Variants in MALT1 observed in about 807,000 individuals in gnomAD.
The protein encoded by MALT1 is mucosa-associated lymphoid tissue lymphoma translocation protein 1.
In MALT1, 36 loss-of-function variants were observed where a neutral mutation model predicts 85.5. That is an observed-to-expected ratio of 0.42 (90% confidence interval 0.32 to 0.56). The LOEUF (loss-of-function observed/expected upper bound fraction) is 0.56. Among genes scored for constraint, MALT1 ranks in the 20% least tolerant of loss-of-function variants. The probability of loss-of-function intolerance (pLI) is 0.10; values close to 1 mark genes in which losing one functional copy is unlikely to be tolerated. For missense variants in MALT1, 716 were observed against 981.6 expected, an observed-to-expected ratio of 0.73 and a Z score of 3.62; for synonymous variants, 359 against 361.3, an observed-to-expected ratio of 0.99 and a Z score of 0.07.
intron 14 of MALT1, among the ~76,000 whole-genome samples, chr18:58,742,371 C>T (rs934082971): frequency 2.6e-5 from 4 of 152,052 alleles, no homozygotes; most frequent in South Asian, 4.1e-4. Context: ...CAGTCTCTAC[C>T]ACTCTATGAA....
chr18:58,692,783 G>A, intron 2 of MALT1, among the ~76,000 whole-genome samples: 1 of 152,204 alleles, frequency 6.6e-6, no homozygotes, highest in Non-Finnish European at 1.5e-5. Context: ...AGTTAACCAA[G>A]TTGCGAATGC....
At chr18:58,707,520 C>T (rs887791251) in intron 4 of MALT1, among the ~76,000 whole-genome samples, 5 of 152,074 alleles carry the variant, frequency 3.3e-5, no homozygotes, top group African/African-American at 1.2e-4. Flanking sequence ...TGGTTTGCTG[C>T]ACCCGTTAAC....
Position 58,681,324 on chromosome 18 carries a change from C to T in MALT1, c.364C>T (p.Leu122Phe), listed in dbSNP as rs752277906. 4.3e-6 allele frequency: 7 copies of T among 1,613,404 alleles called. No homozygotes were observed. The highest frequency in any genetic ancestry group is 1.7e-4 in the Middle Eastern group (1 of 6,056). The change falls in exon 2 of 17, where the codon CTC becomes TTC. Residue 122 changes from leucine (L) to phenylalanine (F), a missense_variant. Leu to Phe is a conservative substitution (Grantham distance 22). Transcript: ENST00000649217. ...AMEHTEVLQL[L>F]SPPGIKITVN... is the part of the protein sequence containing the mutation. ...GGAACACACTGAAGTTCTTCAGCTT[C>T]TCAGCCCCCCAGGTAGGTTTTGTTC...
intron 4 of MALT1, among the ~76,000 whole-genome samples, chr18:58,705,968 A>G (rs2054745916): frequency 6.6e-6 from 1 of 152,108 alleles, no homozygotes; most frequent in African/African-American, 2.4e-5. Context: ...CTATTTCTCC[A>G]CATCCTCTCC....
chr18:58,709,256 GT>G, intron 4 of MALT1, 121 bp from the exon 5 acceptor site: 1 of 626,206 alleles, frequency 1.6e-6, no homozygotes, highest in Non-Finnish European at 2.6e-6. Context: ...TTTTTAAACA[GT>G]TTGGGAAATG....
rs183978994 is a variant in MALT1, at chr18:58,739,090, G to A, written c.1604-2775G>A. Among the ~76,000 whole-genome samples, 186 of 152,176 alleles carry A rather than the reference G, an allele frequency of 1.2e-3. 2 individuals are homozygous for A. Among genetic ancestry groups the A allele is most frequent in the Middle Eastern group, 6.8e-3 (2 of 294 alleles). ...TTCTGCAGCTATGAAGAAGAAAATAGGATGTTTCTTTTCTTTCAATTTCTT... is the reference window on the plus strand; with the variant it reads ...TTCTGCAGCTATGAAGAAGAAAATAAGATGTTTCTTTTCTTTCAATTTCTT... On this transcript the variant is annotated intron_variant, in intron 13 of 16. Coordinates refer to ENST00000649217, the MANE Select transcript of MALT1 (RefSeq NM_006785.4).
intron 9 of MALT1, among the ~76,000 whole-genome samples, chr18:58,717,461 A>C (rs563905783): frequency 9.3e-4 from 141 of 152,316 alleles, no homozygotes; most frequent in Non-Finnish European, 1.2e-3. Flanking sequence ...AATGGAAGCA[A>C]GGTCTTACAA....
At chr18:58,719,868 G>T (rs928606626) in intron 9 of MALT1, among the ~76,000 whole-genome samples, 1 of 152,118 alleles carries the variant, frequency 6.6e-6, no homozygotes, top group Admixed American at 6.5e-5. Flanking sequence ...GTCATTAAAA[G>T]ATTTAATACA....
intron 2 of MALT1, among the ~76,000 whole-genome samples, chr18:58,688,732 GA>G (rs1251928296): frequency 6.6e-6 from 1 of 152,004 alleles, no homozygotes; most frequent in Non-Finnish European, 1.5e-5. Context: ...TAATGGCAGA[GA>G]ATATTTGCCA....
At chr18:58,721,889 G>A (rs1297650553) in intron 9 of MALT1, among the ~76,000 whole-genome samples, 3 of 152,182 alleles carry the variant, frequency 2.0e-5, no homozygotes, top group South Asian at 4.1e-4. Context: ...CCTGGCCTGC[G>A]TCAGAGGGGG....
intron 1 of MALT1, among the ~76,000 whole-genome samples, chr18:58,676,565 T>C (rs2054243465): frequency 6.6e-6 from 1 of 152,226 alleles, no homozygotes; most frequent in Non-Finnish European, 1.5e-5. Context: ...GGTAACCACA[T>C]GACTTGTTCA....
chr18:58,707,768 A>G lies in MALT1; in HGVS notation c.650-1610A>G, dbSNP rs141162262. Among the ~76,000 whole-genome samples, 210 of 152,326 alleles carry G rather than the reference A, an allele frequency of 1.4e-3. 1 individual carries two copies. Among genetic ancestry groups the G allele is most frequent in the Admixed American group, 0.01 (159 of 15,308 alleles). ...ACTAGACACACCCCTCGTAATGGCT[A>G]CTAGAATAGGGGTATGAGTCCATCC... On this transcript the variant is annotated intron_variant, in intron 4 of 16. Transcript: ENST00000649217.
intron 8 of MALT1, among the ~76,000 whole-genome samples, chr18:58,714,799 T>C (rs2054877632): frequency 1.0e-5 from 1 of 95,804 alleles, no homozygotes; most frequent in African/African-American, 2.5e-5. Flanking sequence ...ATGGAACCTG[T>C]GGATAGATCT....
At chr18:58,723,657 T>A (rs2055015136) in intron 10 of MALT1, among the ~76,000 whole-genome samples, 2 of 152,330 alleles carry the variant, frequency 1.3e-5, no homozygotes, top group Non-Finnish European at 1.5e-5. Flanking sequence ...TTTTGTATGT[T>A]TCCTTTTCCT....
At chr18:58,692,464 C>CTT (rs1468999279) in intron 2 of MALT1, among the ~76,000 whole-genome samples, 1 of 121,246 alleles carries the variant, frequency 8.2e-6, no homozygotes, top group African/African-American at 3.2e-5. Flanking sequence ...CTCCCTCCCT[C>CTT]CCTGTCCCTC....
chr18:58,724,943 G>A (rs1203781025), intron 10 of MALT1, among the ~76,000 whole-genome samples: 3 of 151,896 alleles, frequency 2.0e-5, no homozygotes, highest in Admixed American at 6.6e-5. Context: ...TCAGGAGTTC[G>A]AGACCCTCCT....
intron 2 of MALT1, among the ~76,000 whole-genome samples, chr18:58,688,322 ACACACG>A (rs774603737): frequency 0.011 from 1,646 of 143,394 alleles, 15 homozygotes; most frequent in South Asian, 0.049. Flanking sequence ...ACACACACAC[ACACACG>A]CTTATTAATA....
intron 2 of MALT1, among the ~76,000 whole-genome samples, chr18:58,689,047 G>C (rs934575935): frequency 1.3e-5 from 2 of 152,062 alleles, no homozygotes; most frequent in African/African-American, 4.8e-5. Context: ...AGCTATTGGG[G>C]GTGCTGAGGT....
rs115992466 is a variant in MALT1 at position 58,722,774 on chromosome 18, G to C, written c.1019-274G>C. Among the ~76,000 whole-genome samples, 588 of 152,216 alleles carry C rather than the reference G, an allele frequency of 3.9e-3. 2 individuals are homozygous for C. Among genetic ancestry groups the C allele is most frequent in the African/African-American group, 0.013 (546 of 41,534 alleles). On this transcript the variant is annotated intron_variant, in intron 9 of 16. Transcript: ENST00000649217. ...AAAGTAAACTTTAATATTAATTACT[G>C]TTATGTTTCATATACAGCTAATAAA...
Sources: gnomAD v4.1 joint callset for allele counts (sites outside exome capture counted in the v4.1 genomes callset) on GRCh38, gnomAD v4.1.1 for gene constraint, MANE v1.5 for transcripts, NCBI Gene and HGNC (gene_info 2026-07-23, HGNC 2026-07-21) for gene names.